KIAA0586: variants seen among roughly 807,000 people sequenced by gnomAD.
KIAA0586 encodes protein TALPID3.
KIAA0586 carries 144 observed loss-of-function variants against 169.8 expected under a neutral mutation model. The observed-to-expected ratio is 0.85, with a 90% CI of 0.74 to 0.97. KIAA0586 has a LOEUF of 0.97. KIAA0586 is among the 50% of genes least tolerant of loss of function. The pLI is 0.00. For missense variants in KIAA0586, 1,854 were observed against 1,823.0 expected, an observed-to-expected ratio of 1.02 and a Z score of -0.31; for synonymous variants, 625 against 612.4, an observed-to-expected ratio of 1.02 and a Z score of -0.30.
intron 28 of KIAA0586, 131 bp downstream of exon 28, chr14:58,508,840 A>T: frequency 1.5e-6 from 1 of 672,404 alleles, no homozygotes; most frequent in Non-Finnish European, 2.5e-6. Flanking sequence ...TTATTTCCTA[A>T]CTCAAGTCTG....
chr14:58,447,654 T>A (rs1208454358), intron 6 of KIAA0586, among the ~76,000 whole-genome samples: 1 of 151,898 alleles, frequency 6.6e-6, no homozygotes, highest in Non-Finnish European at 1.5e-5. Flanking sequence ...CTAATTTTTG[T>A]ATTTTTAGGA....
chr14:58,558,181 G>A, the KIAA0586 span, among the ~76,000 whole-genome samples: 2 of 152,074 alleles, frequency 1.3e-5, no homozygotes, highest in Non-Finnish European at 2.9e-5. Context: ...AAAGTGCTGA[G>A]ATTACAGTGG....
At chr14:58,475,670 A>G (rs2141034582) in intron 19 of KIAA0586, among the ~76,000 whole-genome samples, 1 of 152,336 alleles carries the variant, frequency 6.6e-6, no homozygotes, top group South Asian at 2.1e-4. Flanking sequence ...AATAAGTGAA[A>G]TGGCTGAATA....
chr14:58,481,241 G>A (rs1178423299), intron 20 of KIAA0586, among the ~76,000 whole-genome samples: 1 of 152,152 alleles, frequency 6.6e-6, no homozygotes, highest in Non-Finnish European at 1.5e-5. Flanking sequence ...TCTTTGGTGA[G>A]GTCACATCTC....
chr14:58,455,469 C>A (rs915020540), intron 9 of KIAA0586, among the ~76,000 whole-genome samples: 3 of 152,128 alleles, frequency 2.0e-5, no homozygotes. Context: ...ATTCTTTCAC[C>A]TCCCAGAGTT....
intron 7 of KIAA0586, among the ~76,000 whole-genome samples, chr14:58,449,421 T>C (rs1316267272): frequency 6.6e-6 from 1 of 152,056 alleles, no homozygotes; most frequent in African/African-American, 2.4e-5. Context: ...CCCAGTTACT[T>C]TGGAGGCTGA....
chr14:58,539,918 A>G, intron 29 of KIAA0586, 153 bp from the exon 30 acceptor site: 1 of 532,262 alleles, frequency 1.9e-6, no homozygotes, highest in South Asian at 3.0e-5. Flanking sequence ...CCTTCTTTAC[A>G]TTCAGGCCAC....
intron 25 of KIAA0586, among the ~76,000 whole-genome samples, chr14:58,490,469 T>C (rs556405105): frequency 1.3e-5 from 2 of 152,314 alleles, no homozygotes; most frequent in East Asian, 1.9e-4. Context: ...TAAAAAAATA[T>C]ACATTTAATG....
At position 58,488,822 on chromosome 14, in the gene KIAA0586, C is replaced by T. The variant is rs377467641; in HGVS notation, c.3729C>T (p.Pro1243=). 3.5e-5 allele frequency: 56 copies of T among 1,613,778 alleles called. No individual in the cohort carries two copies. The highest frequency in any genetic ancestry group is 4.3e-5 in the Non-Finnish European group (51 of 1,179,750). The change falls in exon 24 of 31, where the codon CCC becomes CCT. Residue 1243 remains proline, a synonymous_variant. Transcript: ENST00000652326. ...TVTETETLDK[P]ISEGEILFSC... Reference sequence around the variant, plus strand: ...CTGAAACTGAAACTTTAGATAAACCCATCTCTGAAGGAGAGATTTTATTTA... The same window carrying T: ...CTGAAACTGAAACTTTAGATAAACCTATCTCTGAAGGAGAGATTTTATTTA...
chr14:58,456,696 T>G lies in KIAA0586; in HGVS notation c.1254-6T>G. On this transcript the variant is annotated splice_polypyrimidine_tract_variant and splice_region_variant and intron_variant, in intron 9 of 30. Transcript: ENST00000652326. ...TCTGTAGCGTTGAAACTCTACCTTC[T>G]CAAAGATTTCCTTCCTGTGAAGAGC... 6.5e-7 allele frequency: 1 copy of G among 1,538,764 alleles called. No individual in the cohort carries two copies. Among genetic ancestry groups the G allele is most frequent in the East Asian group, 2.3e-5 (1 of 44,180 alleles).
rs979787217 is a variant in KIAA0586, at chr14:58,457,987, G to A, written c.1583+8G>A. On this transcript the variant is annotated splice_region_variant and intron_variant, in intron 11 of 30. Transcript: ENST00000652326. ...TGCTTTATCTACCAACAGGTAAGAG[G>A]ATGTTGGCATCCAGGGTTATTTATG... 1.3e-6 allele frequency: 2 copies of A among 1,543,724 alleles called. No homozygotes were observed. Among genetic ancestry groups the A allele is most frequent in the Non-Finnish European group, 1.8e-6 (2 of 1,132,322 alleles).
chr14:58,526,252 C>G (rs1428212089), intron 29 of KIAA0586, among the ~76,000 whole-genome samples: 1 of 152,168 alleles, frequency 6.6e-6, no homozygotes, highest in East Asian at 1.9e-4. Flanking sequence ...GACCCCCATG[C>G]CTCCTGACTG....
intron 30 of KIAA0586, among the ~76,000 whole-genome samples, chr14:58,542,984 C>T (rs888886701): frequency 6.6e-5 from 10 of 151,874 alleles, no homozygotes; most frequent in African/African-American, 1.7e-4. Context: ...AAAAATTAGC[C>T]GGGCGTGGTG....
At chr14:58,472,557 G>T in intron 18 of KIAA0586, among the ~76,000 whole-genome samples, 1 of 151,354 alleles carries the variant, frequency 6.6e-6, no homozygotes, top group African/African-American at 2.4e-5. Flanking sequence ...CACTTCCTTT[G>T]GCTTCTTTTC....
the KIAA0586 span, among the ~76,000 whole-genome samples, chr14:58,558,678 A>G: frequency 6.6e-6 from 1 of 152,250 alleles, no homozygotes; most frequent in Non-Finnish European, 1.5e-5. Flanking sequence ...TGACTCATGG[A>G]GGGAATGGAA....
At chr14:58,444,310 C>A (rs755215841) in intron 6 of KIAA0586, 135 bp downstream of exon 6, 15 of 655,660 alleles carry the variant, frequency 2.3e-5, no homozygotes, top group Non-Finnish European at 3.8e-5. Flanking sequence ...GCTTATCTTT[C>A]TTCTCCTGTA....
chr14:58,441,400 C>T (rs1479500363), intron 4 of KIAA0586: 1 of 352,304 alleles, frequency 2.8e-6, no homozygotes, highest in Non-Finnish European at 6.0e-6. Context: ...AGGATTTTGC[C>T]ATGTTGCCCA....
intron 4 of KIAA0586, among the ~76,000 whole-genome samples, chr14:58,439,446 C>G (rs955904308): frequency 2.0e-5 from 3 of 152,282 alleles, no homozygotes; most frequent in East Asian, 3.9e-4. Context: ...CTCAGCCTCC[C>G]AAAGTGCTGG....
chr14:58,435,791 T>TC (rs2140456393), intron 4 of KIAA0586, among the ~76,000 whole-genome samples: 1 of 152,262 alleles, frequency 6.6e-6, no homozygotes, highest in East Asian at 1.9e-4. Flanking sequence ...CACTGCAACC[T>TC]CCGCCTCCCC....
Sources: gnomAD v4.1 joint callset for allele counts (sites outside exome capture counted in the v4.1 genomes callset) on GRCh38, gnomAD v4.1.1 for gene constraint, MANE v1.5 for transcripts, NCBI Gene and HGNC (gene_info 2026-07-23, HGNC 2026-07-21) for gene names.